Variants in XKR5 observed in about 807,000 individuals in gnomAD.
XKR5 encodes the protein XK-related protein 5.
XKR5 carries 46 observed loss-of-function variants against 40.8 expected under a neutral mutation model. The ratio of observed to expected loss-of-function variants is 1.13; its 90% CI spans 0.89 to 1.44. The LOEUF (loss-of-function observed/expected upper bound fraction) is 1.44. Among genes scored for constraint, XKR5 ranks in the 40% most tolerant of loss-of-function variants. The pLI, the probability that XKR5 is intolerant of heterozygous loss-of-function variation, is 0.00. For missense variants in XKR5, 1,169 were observed against 844.7 expected, an observed-to-expected ratio of 1.38 and a Z score of -4.76; for synonymous variants, 466 against 356.1, an observed-to-expected ratio of 1.31 and a Z score of -3.48.
intron 2 of XKR5, among the ~76,000 whole-genome samples, chr8:6,829,880 C>G (rs1476934034): frequency 8.0e-6 from 1 of 125,066 alleles, no homozygotes; most frequent in Non-Finnish European, 1.6e-5. Flanking sequence ...CTCTGTCACC[C>G]AAGCTGGAGT....
chr8:6,835,024 C>T lies in XKR5; in HGVS notation c.58+412G>A, dbSNP rs1306965808. Among the ~76,000 whole-genome samples the T allele has an allele frequency of 3.3e-5, 5 of 152,262 alleles. No homozygotes were observed. In the South Asian group the frequency reaches 6.2e-4, roughly 19 times the overall value. On this transcript the variant is annotated intron_variant, in intron 1 of 6. Transcript: ENST00000618742. ...CGGGGGTCGGGGGAGAGCCCGGGCG[C>T]CCCCAGACTTGCGCTCAGCACATCT...
At chr8:6,835,330 G>T (rs1035160388) in intron 1 of XKR5, 106 bp downstream of exon 1, 19 of 1,188,778 alleles carry the variant, frequency 1.6e-5, no homozygotes, top group Non-Finnish European at 2.1e-5. Flanking sequence ...GCTGGGCGCA[G>T]GCTGGGGCAG....
In XKR5 at chr8:6,821,893, T is replaced by C. The variant is rs370491599; in HGVS notation, c.783A>G (p.Arg261=). The change falls in exon 5 of 7, where the codon AGA becomes AGG. Residue 261 remains arginine, a synonymous_variant. Coordinates refer to ENST00000618742, the MANE Select transcript of XKR5 (RefSeq NM_207411.5). ...CCATGTAGAACGTGACCATCCTATTTCTAGAAGGGCTGTCCCAGAAGCTGA... is the reference window on the plus strand; with the variant it reads ...CCATGTAGAACGTGACCATCCTATTCCTAGAAGGGCTGTCCCAGAAGCTGA... The part of the protein sequence containing the change: ...CYLSFWDSPS[R]NRMVTFYMVM... The C allele has an allele frequency of 3.9e-5, 63 of 1,613,478 alleles. No homozygotes were observed. The African/African-American group carries it at 7.9e-4, about 20-fold the overall frequency.
Position 6,809,018 on chromosome 8 carries a change from G to A in XKR5, c.*2180C>T, listed in dbSNP as rs962299829. On this transcript the variant is annotated 3_prime_UTR_variant, in exon 7 of 7. Transcript: ENST00000618742. ...CTTAATTAGCCTTCAGGGAGGCAGG[G>A]CTTCAAGTTTAGGAAGAGGTCACCA... 6.6e-6 allele frequency: 1 copy of A among 152,248 alleles called. No homozygotes were observed. The highest frequency in any genetic ancestry group is 1.9e-4 in the East Asian group (1 of 5,188). The allele number at this position is 152,248 out of a possible 1,614,324, so 9.4% of individuals were successfully genotyped here. A position where few individuals can be genotyped will look rare whatever the true frequency, so the allele number is the denominator to read the frequency against.
In XKR5 at chr8:6,811,063, G is replaced by A; in HGVS notation, c.*135C>T. The A allele has an allele frequency of 1.1e-6, 1 of 905,022 alleles. No homozygotes were observed. The highest frequency in any genetic ancestry group is 1.6e-6 in the Non-Finnish European group (1 of 618,320). The allele number at this position is 905,022 out of a possible 1,614,324, so 56.1% of individuals were successfully genotyped here. On this transcript the variant is annotated 3_prime_UTR_variant, in exon 7 of 7. Coordinates refer to ENST00000618742, the MANE Select transcript of XKR5 (RefSeq NM_207411.5). ...CCAGCCCTGTTTCTTCATTTTTCAG[G>A]GATGCAGATGGAGATTCAGAGGTGA...
chr8:6,811,121 G>C lies in XKR5; in HGVS notation c.*77C>G. On this transcript the variant is annotated 3_prime_UTR_variant, in exon 7 of 7. Coordinates refer to ENST00000618742, the MANE Select transcript of XKR5 (RefSeq NM_207411.5). ...GTGCCCAAGGACACAGGTGTCAGAA[G>C]TGGGATTTCCTTTCTCACGGTACCA... 7.2e-7 allele frequency: 1 copy of C among 1,382,414 alleles called. No homozygotes were observed. Among genetic ancestry groups the C allele is most frequent in the Non-Finnish European group, 9.6e-7 (1 of 1,038,072 alleles). 85.6% of individuals were successfully genotyped at this position (1,382,414 alleles called of 1,614,324 possible).
chr8:6,821,360 A>G (rs1804216598), intron 5 of XKR5, among the ~76,000 whole-genome samples: 1 of 152,126 alleles, frequency 6.6e-6, no homozygotes. Context: ...GTTCTGTCTG[A>G]TTTTGGTTAT....
rs1803543193 is a variant in XKR5 at position 6,808,613 on chromosome 8, A to C, written c.*2585T>G. On this transcript the variant is annotated 3_prime_UTR_variant, in exon 7 of 7. Transcript: ENST00000618742. ...ACCGGGCAATATGCTTTCTGGAGGC[A>C]TGAAGTGAGGAAGCCATCTGAGAAG... 6.6e-6 allele frequency: 1 copy of C among 152,184 alleles called. No individual in the cohort carries two copies. Among genetic ancestry groups the C allele is most frequent in the Admixed American group, 6.5e-5 (1 of 15,272 alleles). The allele number at this position is 152,184 out of a possible 1,614,324, so 9.4% of individuals were successfully genotyped here. A position where few individuals can be genotyped will look rare whatever the true frequency, so the allele number is the denominator to read the frequency against.
intron 2 of XKR5, among the ~76,000 whole-genome samples, chr8:6,830,345 C>T (rs538907023): frequency 6.6e-6 from 1 of 152,336 alleles, no homozygotes; most frequent in Admixed American, 6.5e-5. Flanking sequence ...AATACTGCTT[C>T]ACTCAGTGTT....
intron 6 of XKR5, among the ~76,000 whole-genome samples, chr8:6,812,726 A>G (rs1180017233): frequency 6.6e-6 from 1 of 152,232 alleles, no homozygotes; most frequent in Non-Finnish European, 1.5e-5. Flanking sequence ...TAACTGGACC[A>G]TACACTGCAA....
At position 6,809,145 on chromosome 8, in the gene XKR5, T is replaced by G. The variant is rs1803570569; in HGVS notation, c.*2053A>C. 6.6e-6 allele frequency: 1 copy of G among 151,928 alleles called. No homozygotes were observed. The highest frequency in any genetic ancestry group is 1.5e-5 in the Non-Finnish European group (1 of 68,044). The allele number at this position is 151,928 out of a possible 1,614,324, so 9.4% of individuals were successfully genotyped here. On this transcript the variant is annotated 3_prime_UTR_variant, in exon 7 of 7. Transcript: ENST00000618742. ...AAGGCACCAAGAGGAGATGTTTGAG[T>G]GGAGTCTTGGAGGACAAATGGGGAG...
intron 5 of XKR5, 60 bp downstream of exon 5, chr8:6,821,809 A>T (rs1804240358): frequency 6.6e-7 from 1 of 1,515,718 alleles, no homozygotes; most frequent in Non-Finnish European, 9.0e-7. Flanking sequence ...ACACACACCC[A>T]CACACACCCC....
chr8:6,812,420 C>G, intron 6 of XKR5, 81 bp from the exon 7 acceptor site: 1 of 1,404,236 alleles, frequency 7.1e-7, no homozygotes, highest in South Asian at 1.5e-5. Flanking sequence ...CAGGTTCTGG[C>G]CCTTTTGTGT....
At chr8:6,816,689 T>TTA (rs1803973171) in intron 5 of XKR5, among the ~76,000 whole-genome samples, 2 of 147,070 alleles carry the variant, frequency 1.4e-5, no homozygotes, top group South Asian at 2.1e-4. Flanking sequence ...TTAATTTAAT[T>TTA]AAAAATAATT....
At chr8:6,817,504 C>A (rs957579861) in intron 5 of XKR5, among the ~76,000 whole-genome samples, 10 of 152,098 alleles carry the variant, frequency 6.6e-5, no homozygotes, top group Non-Finnish European at 1.5e-4. Context: ...CCCTTACCTC[C>A]CCACACCGAG....
rs763353614 is a variant in XKR5, at chr8:6,810,470, A to T, written c.*728T>A. ...GGGAACTCTTGGCTGGCCAGCCTGCACAAAGGGGAGCAGCACATTTCACAG... is the reference window on the plus strand; with the variant it reads ...GGGAACTCTTGGCTGGCCAGCCTGCTCAAAGGGGAGCAGCACATTTCACAG... On this transcript the variant is annotated 3_prime_UTR_variant, in exon 7 of 7. Transcript: ENST00000618742. The T allele has an allele frequency of 6.6e-6, 1 of 152,252 alleles. No individual in the cohort carries two copies. Among genetic ancestry groups the T allele is most frequent in the Non-Finnish European group, 1.5e-5 (1 of 68,056 alleles). 9.4% of individuals were successfully genotyped at this position (152,252 alleles called of 1,614,324 possible).
In XKR5 at chr8:6,821,886, T is replaced by A; in HGVS notation, c.790A>T (p.Met264Leu). 1 of 1,613,348 alleles carries A rather than the reference T, an allele frequency of 6.2e-7. No individual in the cohort carries two copies. The highest frequency in any genetic ancestry group is 8.5e-7 in the Non-Finnish European group (1 of 1,179,666). ...CCACTTGCCATGTAGAACGTGACCA[T>A]CCTATTTCTAGAAGGGCTGTCCCAG... ...SFWDSPSRNR[M>L]VTFYMVMLLE... The change falls in exon 5 of 7, where the codon ATG (methionine) becomes TTG (leucine). Residue 264 changes from methionine to leucine, a missense_variant. Coordinates refer to ENST00000618742, the MANE Select transcript of XKR5 (RefSeq NM_207411.5).
chr8:6,834,425 T>A (rs1413856919), intron 1 of XKR5, among the ~76,000 whole-genome samples: 1 of 152,202 alleles, frequency 6.6e-6, no homozygotes, highest in Non-Finnish European at 1.5e-5. Flanking sequence ...CGAAAAGCCT[T>A]CGGTGCTGCA....
intron 2 of XKR5, among the ~76,000 whole-genome samples, chr8:6,829,980 G>GGCGCCCGCCACC (rs1220382848): frequency 6.6e-5 from 10 of 151,906 alleles, no homozygotes; most frequent in African/African-American, 2.4e-4. Flanking sequence ...TGGGACTACA[G>GGCGCCCGCCACC]GCGCCCGCCA....
Sources: allele counts gnomAD v4.1 joint callset (sites outside exome capture counted in the v4.1 genomes callset), GRCh38; gene constraint gnomAD v4.1.1; transcripts MANE v1.5; gene names NCBI Gene and HGNC (gene_info 2026-07-23, HGNC 2026-07-21).